Variants in ZBTB20 observed in about 807,000 individuals in gnomAD.
ZBTB20 encodes zinc finger and BTB domain containing 20, also known as zinc finger and BTB domain-containing protein 20.
A neutral mutation model predicts 56.9 loss-of-function variants in ZBTB20; 9 were observed. That is an observed-to-expected ratio of 0.16 (90% CI 0.10 to 0.28). ZBTB20 has a LOEUF of 0.28. Ranked by LOEUF, ZBTB20 falls within the 10% of genes least tolerant of loss-of-function variation. The pLI is 1.00. For synonymous variants in ZBTB20, 417 were observed against 420.7 expected (o/e 0.99, Z 0.11); for missense variants, 655 against 1,003.0 (o/e 0.65, Z 4.69).
intron 6 of ZBTB20, among the ~76,000 whole-genome samples, chr3:114,545,325 C>A (rs2049743063): frequency 6.6e-6 from 1 of 152,194 alleles, no homozygotes; most frequent in Non-Finnish European, 1.5e-5. Context: ...CCAGGACTTT[C>A]TGTCTCTCAT....
chr3:114,650,597 T>A (rs748555777), intron 6 of ZBTB20, among the ~76,000 whole-genome samples: 9 of 151,950 alleles, frequency 5.9e-5, no homozygotes, highest in Non-Finnish European at 1.3e-4. Flanking sequence ...TTATTAGACC[T>A]ACTGCCTATT....
At chr3:115,084,566 T>C (rs2082917360) in intron 1 of ZBTB20, among the ~76,000 whole-genome samples, 1 of 151,924 alleles carries the variant, frequency 6.6e-6, no homozygotes, top group Admixed American at 6.6e-5. Context: ...ATGAGATTTG[T>C]TTTTTTAAAA....
intron 6 of ZBTB20, among the ~76,000 whole-genome samples, chr3:114,631,337 A>T (rs2058926891): frequency 8.1e-6 from 1 of 123,312 alleles, no homozygotes; most frequent in African/African-American, 3.1e-5. Flanking sequence ...TGCTTCTTCT[A>T]TGACATTTTT....
At chr3:114,844,520 C>CAAAA (rs71146342) in intron 4 of ZBTB20, among the ~76,000 whole-genome samples, 698 of 22,792 alleles carry the variant, frequency 0.031, 263 homozygotes, top group African/African-American at 0.13. Flanking sequence ...GTCCCTGTCT[C>CAAAA]AAAAAAAAAA....
At chr3:115,075,393 T>A (rs908688661) in intron 1 of ZBTB20, among the ~76,000 whole-genome samples, 2 of 152,208 alleles carry the variant, frequency 1.3e-5, no homozygotes, top group African/African-American at 4.8e-5. Context: ...TGTCTTTCTA[T>A]GACTGGCTCA....
intron 7 of ZBTB20, among the ~76,000 whole-genome samples, chr3:114,393,753 C>T (rs978757489): frequency 1.3e-5 from 2 of 152,274 alleles, no homozygotes; most frequent in Non-Finnish European, 2.9e-5. Flanking sequence ...TCCCTAGAAC[C>T]TGAAAATCCA....
At chr3:114,710,573 C>A (rs1378654122) in intron 5 of ZBTB20, among the ~76,000 whole-genome samples, 1 of 152,154 alleles carries the variant, frequency 6.6e-6, no homozygotes, top group Non-Finnish European at 1.5e-5. Context: ...GCCTGAAATT[C>A]ATCACACCTG....
At chr3:114,717,273 G>T (rs996367726) in intron 5 of ZBTB20, among the ~76,000 whole-genome samples, 2 of 152,110 alleles carry the variant, frequency 1.3e-5, no homozygotes, top group Non-Finnish European at 2.9e-5. Context: ...TATGAAATGT[G>T]TCTGCTTTTT....
intron 6 of ZBTB20, among the ~76,000 whole-genome samples, chr3:114,543,714 C>T (rs377350452): frequency 1.2e-4 from 19 of 152,242 alleles, no homozygotes; most frequent in African/African-American, 4.3e-4. Context: ...ATATTTATTA[C>T]AATACAGTTT....
intron 2 of ZBTB20, among the ~76,000 whole-genome samples, chr3:114,977,244 C>T (rs577560776): frequency 2.0e-5 from 3 of 152,228 alleles, no homozygotes; most frequent in Admixed American, 1.3e-4. Context: ...ACAAGCCTTG[C>T]TATGTAACAA....
intron 6 of ZBTB20, among the ~76,000 whole-genome samples, chr3:114,594,281 T>A (rs1392107081): frequency 6.6e-6 from 1 of 150,856 alleles, no homozygotes; most frequent in Non-Finnish European, 1.5e-5. Context: ...TTTTTTTTTT[T>A]TTTTGAGATA....
intron 4 of ZBTB20, among the ~76,000 whole-genome samples, chr3:114,848,091 T>C (rs1005289475): frequency 8.5e-5 from 13 of 152,236 alleles, no homozygotes; most frequent in Admixed American, 8.5e-4. Flanking sequence ...CCTGTAATAT[T>C]ATCTAGAATG....
intron 4 of ZBTB20, among the ~76,000 whole-genome samples, chr3:114,894,699 G>T (rs2074797947): frequency 6.6e-6 from 1 of 152,154 alleles, no homozygotes; most frequent in Non-Finnish European, 1.5e-5. Flanking sequence ...CCATCTATAT[G>T]TCAAGGAGAA....
intron 3 of ZBTB20, among the ~76,000 whole-genome samples, chr3:114,925,137 C>A (rs2076107711): frequency 1.3e-5 from 2 of 151,824 alleles, no homozygotes; most frequent in Admixed American, 1.3e-4. Context: ...GCACATGCCA[C>A]CACACCCAGC....
At chr3:114,551,940 C>T (rs943126800) in intron 6 of ZBTB20, among the ~76,000 whole-genome samples, 2 of 152,138 alleles carry the variant, frequency 1.3e-5, no homozygotes, top group South Asian at 2.1e-4. Flanking sequence ...AATATAGTGG[C>T]GGCTCACATC....
intron 6 of ZBTB20, among the ~76,000 whole-genome samples, chr3:114,589,971 G>C (rs1056530078): frequency 6.6e-6 from 1 of 152,086 alleles, no homozygotes; most frequent in Non-Finnish European, 1.5e-5. Context: ...TTTTGGAGAT[G>C]AATCAAAAAT....
intron 4 of ZBTB20, among the ~76,000 whole-genome samples, chr3:114,855,533 A>C (rs2075210560): frequency 6.6e-6 from 1 of 152,196 alleles, no homozygotes; most frequent in African/African-American, 2.4e-5. Flanking sequence ...AAAATGTCCG[A>C]GTGATTCCTG....
rs5851939 is a variant in ZBTB20, at chr3:114,885,572, C to CT, written c.-417+14731dup. On this transcript the variant is annotated intron_variant, in intron 4 of 11. Coordinates refer to ENST00000675478, the MANE Select transcript of ZBTB20 (RefSeq NM_001348800.3). The stretch of plus-strand genomic sequence containing the variant: ...CTATCTAACAAAATAATAGTTTCTT[C>CT]TTTTTTTTTTTTCGGCAACAGATAC... 1.1e-4 allele frequency among the ~76,000 whole-genome samples: 16 copies of CT among 150,608 alleles called. No individual in the cohort carries two copies. The South Asian group carries it at 1.3e-3, about 12-fold the overall frequency.
At chr3:114,786,752 A>G (rs934605801) in intron 5 of ZBTB20, among the ~76,000 whole-genome samples, 1 of 152,056 alleles carries the variant, frequency 6.6e-6, no homozygotes, top group African/African-American at 2.4e-5. Flanking sequence ...CACCTTTTAT[A>G]ATGACTAGAA....
Sources: allele counts gnomAD v4.1 joint callset (sites outside exome capture counted in the v4.1 genomes callset), GRCh38; gene constraint gnomAD v4.1.1; transcripts MANE v1.5; gene names NCBI Gene and HGNC (gene_info 2026-07-23, HGNC 2026-07-21).